LRP8: variants seen among roughly 807,000 people sequenced by gnomAD.
LRP8 encodes low-density lipoprotein receptor-related protein 8.
In LRP8, 46 loss-of-function variants were observed where a neutral mutation model predicts 111.6. The ratio of observed to expected loss-of-function variants is 0.41; its 90% CI spans 0.33 to 0.53. The LOEUF (loss-of-function observed/expected upper bound fraction) is 0.53, where lower values mean the gene tolerates loss of function less well. Among genes scored for constraint, LRP8 ranks in the 20% least tolerant of loss-of-function variants. The pLI is 0.20. For missense variants in LRP8, 959 were observed against 1,297.4 expected, an observed-to-expected ratio of 0.74 and a Z score of 4.01; for synonymous variants, 464 against 511.2, an observed-to-expected ratio of 0.91 and a Z score of 1.24.
At chr1:53,257,196 G>A (rs1440772041) in intron 15 of LRP8, 44 bp downstream of exon 15, 1 of 1,590,934 alleles carries the variant, frequency 6.3e-7, no homozygotes, top group Non-Finnish European at 8.6e-7. Flanking sequence ...GCTTCCCTAG[G>A]AGCCCTCCCA....
At chr1:53,291,069 G>A (rs1320535763) in intron 2 of LRP8, among the ~76,000 whole-genome samples, 4 of 152,176 alleles carry the variant, frequency 2.6e-5, no homozygotes, top group African/African-American at 7.2e-5. Flanking sequence ...CTGGATTTGA[G>A]ACACTGCTGT....
At chr1:53,309,860 C>T (rs914469179) in intron 2 of LRP8, among the ~76,000 whole-genome samples, 6 of 152,078 alleles carry the variant, frequency 3.9e-5, no homozygotes, top group Non-Finnish European at 8.8e-5. Context: ...CATCAGTGAT[C>T]GCCGTTATTC....
intron 6 of LRP8, among the ~76,000 whole-genome samples, chr1:53,273,019 A>T (rs1289076671): frequency 6.6e-6 from 1 of 152,216 alleles, no homozygotes; most frequent in Admixed American, 6.5e-5. Context: ...CTGGCTTCTG[A>T]TGAAGGAAGG....
intron 2 of LRP8, among the ~76,000 whole-genome samples, chr1:53,319,461 G>A (rs887166421): frequency 6.6e-6 from 1 of 152,154 alleles, no homozygotes; most frequent in African/African-American, 2.4e-5. Flanking sequence ...ACAGCCCTGG[G>A]CTCGCTGGGT....
chr1:53,311,593 G>T (rs191060829), intron 2 of LRP8, among the ~76,000 whole-genome samples: 14 of 144,790 alleles, frequency 9.7e-5, no homozygotes, highest in Admixed American at 8.6e-4. Flanking sequence ...GACCCTCCCT[G>T]CCCCCAGCCT....
chr1:53,291,659 A>C (rs1288501), intron 2 of LRP8: 25,301 of 152,072 alleles, frequency 0.17, 2,570 homozygotes, highest in African/African-American at 0.29. Context: ...GAGGTTGGCA[A>C]ACTTTTTCTG....
intron 2 of LRP8, among the ~76,000 whole-genome samples, chr1:53,301,384 G>A (rs1428049185): frequency 4.6e-5 from 7 of 152,160 alleles, no homozygotes. Context: ...GTGTGAGGCA[G>A]AAGCCACCAC....
chr1:53,314,604 T>C (rs1653555648), intron 2 of LRP8, among the ~76,000 whole-genome samples: 1 of 152,118 alleles, frequency 6.6e-6, no homozygotes. Flanking sequence ...GAGACAGATC[T>C]GGGATTGACA....
chr1:53,288,887 G>T (rs1215886054), intron 3 of LRP8, among the ~76,000 whole-genome samples: 1 of 152,166 alleles, frequency 6.6e-6, no homozygotes, highest in African/African-American at 2.4e-5. Flanking sequence ...TTAGGGCCTG[G>T]AAAATAAATC....
At chr1:53,297,647 C>A (rs905804683) in intron 2 of LRP8, among the ~76,000 whole-genome samples, 1 of 152,180 alleles carries the variant, frequency 6.6e-6, no homozygotes, top group Non-Finnish European at 1.5e-5. Flanking sequence ...TCACCCCATT[C>A]GGAATGAAGA....
rs1651414269 is a variant in LRP8 at position 53,303,716 on chromosome 1, C to T, written c.245-14027G>A. Among the ~76,000 whole-genome samples, 1 of 152,192 alleles carries T rather than the reference C, an allele frequency of 6.6e-6. No homozygotes were observed. Among genetic ancestry groups the T allele is most frequent in the Non-Finnish European group, 1.5e-5 (1 of 68,028 alleles). On this transcript the variant is annotated intron_variant, in intron 2 of 18. Transcript: ENST00000306052. This position sits in a 1 kb window ranked among gnomAD's most constrained non-coding sequence, Gnocchi z 4.3. ...AACCCTAGAAGCTTCTAATCTAATCCAGGCACCAGGAGTGGCAAAGGCCTG... is the reference window on the plus strand; with the variant it reads ...AACCCTAGAAGCTTCTAATCTAATCTAGGCACCAGGAGTGGCAAAGGCCTG...
intron 2 of LRP8, among the ~76,000 whole-genome samples, chr1:53,311,316 C>T (rs1284556934): frequency 3.9e-5 from 6 of 152,256 alleles, no homozygotes; most frequent in African/African-American, 1.4e-4. Context: ...GGCATGGGCA[C>T]GGCCAGTCCC....
At chr1:53,257,208 G>A (rs1646126973) in intron 15 of LRP8, 32 bp downstream of exon 15, 2 of 1,606,056 alleles carry the variant, frequency 1.2e-6, no homozygotes, top group Admixed American at 1.7e-5. Context: ...GCCCTCCCAT[G>A]TCATGAAAGA....
intron 6 of LRP8, among the ~76,000 whole-genome samples, chr1:53,272,066 C>G (rs113667621): frequency 4.5e-4 from 68 of 152,024 alleles, no homozygotes; most frequent in African/African-American, 1.3e-3. Flanking sequence ...GGATGCCCCC[C>G]CTAATGTGCT....
chr1:53,268,154 AG>A (rs1646644053), intron 8 of LRP8: 2 of 152,292 alleles, frequency 1.3e-5, no homozygotes, highest in Non-Finnish European at 2.9e-5. Context: ...ATGAAAGCTG[AG>A]TTACAGGCCA....
chr1:53,303,321 T>TG lies in LRP8; in HGVS notation c.245-13633dup, dbSNP rs1651336902. 6.6e-6 allele frequency among the ~76,000 whole-genome samples: 1 copy of TG among 152,150 alleles called. No individual in the cohort carries two copies. The highest frequency in any genetic ancestry group is 1.5e-5 in the Non-Finnish European group (1 of 68,028). ...GAGCAGCCAGTCCTCACAGGGCCTG[T>TG]GGGAGGCTCTGGTGGAGCCAAGGGG... On this transcript the variant is annotated intron_variant, in intron 2 of 18. Coordinates refer to ENST00000306052, the MANE Select transcript of LRP8 (RefSeq NM_004631.5). This position sits in a 1 kb window ranked among gnomAD's most constrained non-coding sequence, Gnocchi z 4.3.
Position 53,294,326 on chromosome 1 carries a change from C to G in LRP8, c.245-4637G>C, listed in dbSNP as rs2100475822. 6.6e-6 allele frequency among the ~76,000 whole-genome samples: 1 copy of G among 152,216 alleles called. No homozygotes were observed. The highest frequency in any genetic ancestry group is 2.1e-4 in the South Asian group (1 of 4,824). On this transcript the variant is annotated intron_variant, in intron 2 of 18. Transcript: ENST00000306052. This position sits in a 1 kb window ranked among gnomAD's most constrained non-coding sequence, Gnocchi z 4.1. Reference sequence around the variant, plus strand: ...CTAGGGGCAGTGAGGAGGGGCTGACCCCAGGGTAGAGTAGGGGAGAGTGGG... The same window carrying G: ...CTAGGGGCAGTGAGGAGGGGCTGACGCCAGGGTAGAGTAGGGGAGAGTGGG...
At chr1:53,298,245 A>AC (rs1431403430) in intron 2 of LRP8, among the ~76,000 whole-genome samples, 2 of 152,166 alleles carry the variant, frequency 1.3e-5, no homozygotes. Flanking sequence ...CCTCCCTGTC[A>AC]CCACAGGGAA....
At chr1:53,326,694 G>A (rs1655173228) in intron 2 of LRP8, among the ~76,000 whole-genome samples, 179 bp downstream of exon 2, 1 of 152,194 alleles carries the variant, frequency 6.6e-6, no homozygotes, top group Non-Finnish European at 1.5e-5. Flanking sequence ...GCTCCGGGTC[G>A]CTAAGAGCCA....
Sources: gnomAD v4.1 joint callset for allele counts (sites outside exome capture counted in the v4.1 genomes callset) on GRCh38, gnomAD v4.1.1 for gene constraint, Gnocchi (gnomAD v3.1) non-coding constraint, MANE v1.5 for transcripts, NCBI Gene and HGNC (gene_info 2026-07-23, HGNC 2026-07-21) for gene names.